CFAP43: variants seen among roughly 807,000 people sequenced by gnomAD.
CFAP43 encodes cilia- and flagella-associated protein 43.
Under a neutral mutation model 218.9 loss-of-function variants are expected in CFAP43, and 155 were observed. The ratio of observed to expected loss-of-function variants is 0.71; its 90% CI spans 0.62 to 0.81. The LOEUF (loss-of-function observed/expected upper bound fraction) is 0.81. CFAP43 is among the 30% of genes least tolerant of loss of function. CFAP43 has a pLI of 0.00. For synonymous variants in CFAP43, 645 were observed against 681.3 expected (o/e 0.95, Z 0.83); for missense variants, 1,778 against 1,954.3 (o/e 0.91, Z 1.70).
In CFAP43 at chr10:104,166,650, A is replaced by G. The variant is rs778117920; in HGVS notation, c.2877T>C (p.Asp959=). ...TCTTGTCTTCCTCTTCCTCTTCTTC[A>G]TCATCCTCTTCATGACGCTGTTTAA... The part of the protein sequence containing the change: ...KLIKQRHEED[D]EEEEEEDKTV... The change falls in exon 23 of 38, where the codon GAT becomes GAC. Residue 959 remains aspartate, a synonymous_variant. Coordinates refer to ENST00000357060, the MANE Select transcript of CFAP43 (RefSeq NM_025145.7). 36 of 1,614,122 alleles carry G rather than the reference A, an allele frequency of 2.2e-5. No homozygotes were observed. In the South Asian group the frequency reaches 2.4e-4, roughly 11 times the overall value.
At chr10:104,175,942 T>A (rs1376161050) in intron 19 of CFAP43, among the ~76,000 whole-genome samples, 1 of 152,250 alleles carries the variant, frequency 6.6e-6, no homozygotes, top group Non-Finnish European at 1.5e-5. Flanking sequence ...AGATAAATTC[T>A]TCTCCAAATC....
chr10:104,206,106 C>A lies in CFAP43; in HGVS notation c.896-76G>T, dbSNP rs1381805973. ...ATGTAACAATGAATAATAAAAGCTA[C>A]TTTTACTGATGTAAATCTTATAAGT... is the stretch of plus-strand genomic sequence containing the variant. On this transcript the variant is annotated intron_variant, in intron 6 of 37. Transcript: ENST00000357060. 4.4e-6 allele frequency: 5 copies of A among 1,137,856 alleles called. No homozygotes were observed. In the African/African-American group the frequency reaches 6.3e-5, roughly 14 times the overall value. 70.5% of individuals were successfully genotyped at this position (1,137,856 alleles called of 1,614,324 possible).
chr10:104,175,286 G>C (rs550884008), intron 19 of CFAP43, among the ~76,000 whole-genome samples: 1 of 152,022 alleles, frequency 6.6e-6, no homozygotes, highest in Non-Finnish European at 1.5e-5. Context: ...TTACTTGGGC[G>C]TGGTGGTGCA....
chr10:104,134,993 C>G (rs1344480022), intron 34 of CFAP43, among the ~76,000 whole-genome samples: 2 of 152,122 alleles, frequency 1.3e-5, no homozygotes, highest in Non-Finnish European at 2.9e-5. Flanking sequence ...AAAATACTAG[C>G]AAACTGATTC....
intron 3 of CFAP43, among the ~76,000 whole-genome samples, chr10:104,219,637 C>T (rs141808467): frequency 3.7e-4 from 56 of 152,152 alleles, no homozygotes; most frequent in African/African-American, 1.3e-3. Flanking sequence ...GCTAAAGTGC[C>T]CTGCATTCAT....
At chr10:104,172,935 G>A (rs1461617444) in intron 19 of CFAP43, among the ~76,000 whole-genome samples, 1 of 152,122 alleles carries the variant, frequency 6.6e-6, no homozygotes, top group Non-Finnish European at 1.5e-5. Flanking sequence ...AGGGGTAATG[G>A]ATGGAAGCAT....
intron 28 of CFAP43, among the ~76,000 whole-genome samples, chr10:104,149,288 C>G (rs1255486818): frequency 6.6e-6 from 1 of 152,184 alleles, no homozygotes; most frequent in Non-Finnish European, 1.5e-5. Context: ...TCTGTGATGT[C>G]AGCAGCTGCA....
intron 14 of CFAP43, among the ~76,000 whole-genome samples, chr10:104,186,908 A>G (rs989526149): frequency 1.3e-5 from 2 of 152,204 alleles, no homozygotes; most frequent in Non-Finnish European, 2.9e-5. Flanking sequence ...AAGAGAGTGT[A>G]ATGAAAAAAT....
chr10:104,213,778 G>A (rs1345203978), intron 4 of CFAP43, among the ~76,000 whole-genome samples: 1 of 152,026 alleles, frequency 6.6e-6, no homozygotes, highest in Non-Finnish European at 1.5e-5. Context: ...CTCGTGATCC[G>A]CCTGCCTCGG....
At position 104,193,955 on chromosome 10, in the gene CFAP43, G is replaced by A; in HGVS notation, c.1353C>T (p.Gly451=). 1 of 1,614,042 alleles carries A rather than the reference G, an allele frequency of 6.2e-7. No individual in the cohort carries two copies. The highest frequency in any genetic ancestry group is 1.1e-5 in the South Asian group (1 of 91,076). ...SLSAAVGTED[G]SVYFISVYDK... is the part of the protein sequence containing the mutation. ...CATATACGCTGATGAAGTAGACCGAGCCATCCTCCGTGCCCACGGCTGCAG... is the reference window on the plus strand; with the variant it reads ...CATATACGCTGATGAAGTAGACCGAACCATCCTCCGTGCCCACGGCTGCAG... Residue 451 remains glycine (G), a synonymous_variant, in exon 11 of 38, where the codon GGC becomes GGT. Coordinates refer to ENST00000357060, the MANE Select transcript of CFAP43 (RefSeq NM_025145.7).
At chr10:104,215,096 C>T (rs1345407584) in intron 3 of CFAP43, among the ~76,000 whole-genome samples, 2 of 151,790 alleles carry the variant, frequency 1.3e-5, no homozygotes, top group Admixed American at 1.3e-4. Flanking sequence ...GATTGTGCCA[C>T]TGCACTCCAG....
In CFAP43 at chr10:104,129,939, G is replaced by A. The variant is rs995879947; in HGVS notation, c.*200C>T. On this transcript the variant is annotated 3_prime_UTR_variant, in exon 38 of 38. Coordinates refer to ENST00000357060, the MANE Select transcript of CFAP43 (RefSeq NM_025145.7). ...TTCTTGAATAAAAACAGCAATTCAT[G>A]GTATTTTACACATTTATTCATGCAG... is the stretch of plus-strand genomic sequence containing the variant. The A allele has an allele frequency of 1.6e-5, 8 of 496,444 alleles. No individual in the cohort carries two copies. Among genetic ancestry groups the A allele is most frequent in the Non-Finnish European group, 2.0e-5 (6 of 295,170 alleles). 30.8% of individuals were successfully genotyped at this position (496,444 alleles called of 1,614,324 possible).
chr10:104,212,928 A>G (rs1224153686), intron 4 of CFAP43, among the ~76,000 whole-genome samples: 2 of 152,226 alleles, frequency 1.3e-5, no homozygotes, highest in Admixed American at 6.5e-5. Flanking sequence ...TTTGTGAACT[A>G]GGACAATCCA....
intron 31 of CFAP43, among the ~76,000 whole-genome samples, chr10:104,144,887 A>T (rs1165298629): frequency 6.6e-6 from 1 of 152,244 alleles, no homozygotes; most frequent in Non-Finnish European, 1.5e-5. Flanking sequence ...TTATACTGGC[A>T]TCTTTCAAAC....
chr10:104,203,614 A>G lies in CFAP43; in HGVS notation c.1095+58T>C, dbSNP rs1327619838. The G allele has an allele frequency of 2.7e-6, 4 of 1,505,906 alleles. No individual in the cohort carries two copies. The South Asian group carries it at 4.1e-5, about 15-fold the overall frequency. 93.3% of individuals were successfully genotyped at this position (1,505,906 alleles called of 1,614,324 possible). A position where few individuals can be genotyped will look rare whatever the true frequency, so the allele number is the denominator to read the frequency against. ...ACTCTGCTCCTCATTCCTGTCATGT[A>G]ATGATGATAATAATACTATCTGAAA... On this transcript the variant is annotated intron_variant, in intron 8 of 37. Coordinates refer to ENST00000357060, the MANE Select transcript of CFAP43 (RefSeq NM_025145.7).
In CFAP43 at chr10:104,211,649, T is replaced by C. The variant is rs149000210; in HGVS notation, c.735+358A>G. Among the ~76,000 whole-genome samples the C allele has an allele frequency of 2.6e-3, 390 of 152,284 alleles. 1 individual carries two copies. Among genetic ancestry groups the C allele is most frequent in the African/African-American group, 9.2e-3 (383 of 41,566 alleles). ...TCCCCTCAGTGCTCCCACCGTCCTA[T>C]CTGTGAGAATGACACTGACAGTCCC... On this transcript the variant is annotated intron_variant, in intron 5 of 37. Coordinates refer to ENST00000357060, the MANE Select transcript of CFAP43 (RefSeq NM_025145.7).
chr10:104,230,609 G>T lies in CFAP43; in HGVS notation c.300C>A (p.Thr100=). ...LIYVYSFPGL[T]RRTKLKGNIL... is the part of the protein sequence containing the mutation. ...GAATACCTTTCAATTTGGTCCTTCT[G>T]GTCAATCCTGGAAAGCTGTATACGT... is the stretch of plus-strand genomic sequence containing the variant. Residue 100 remains threonine (T), a synonymous_variant, in exon 2 of 38, where the codon ACC becomes ACA. Coordinates refer to ENST00000357060, the MANE Select transcript of CFAP43 (RefSeq NM_025145.7). 1.2e-6 allele frequency: 2 copies of T among 1,614,056 alleles called. No individual in the cohort carries two copies. The highest frequency in any genetic ancestry group is 1.7e-6 in the Non-Finnish European group (2 of 1,180,010).
chr10:104,194,266 T>C (rs1048047693), intron 10 of CFAP43, among the ~76,000 whole-genome samples: 2 of 152,136 alleles, frequency 1.3e-5, no homozygotes, highest in African/African-American at 2.4e-5. Context: ...TTTCTTGAAA[T>C]TGAAATCATG....
At chr10:104,159,266 A>G (rs977643123) in intron 27 of CFAP43, among the ~76,000 whole-genome samples, 9 of 152,144 alleles carry the variant, frequency 5.9e-5, no homozygotes, top group African/African-American at 2.2e-4. Flanking sequence ...ATCCAGGGGG[A>G]AAGAGAGGCC....
Sources: allele counts gnomAD v4.1 joint callset (sites outside exome capture counted in the v4.1 genomes callset), GRCh38; gene constraint gnomAD v4.1.1; transcripts MANE v1.5; gene names NCBI Gene and HGNC (gene_info 2026-07-23, HGNC 2026-07-21).